Variants in XPNPEP3 observed in about 807,000 individuals in gnomAD.
XPNPEP3 encodes X-prolyl aminopeptidase 3.
In XPNPEP3, 41 loss-of-function variants were observed where a neutral mutation model predicts 60.0. That is an observed-to-expected ratio of 0.68 (90% confidence interval 0.53 to 0.89). The LOEUF (loss-of-function observed/expected upper bound fraction) is 0.89, where lower values mean the gene tolerates loss of function less well. Ranked by LOEUF, XPNPEP3 falls within the 40% of genes least tolerant of loss-of-function variation. The pLI is 0.00. For synonymous variants in XPNPEP3, 212 were observed against 223.2 expected, an observed-to-expected ratio of 0.95 and a Z score of 0.45; for missense variants, 598 against 638.9, an observed-to-expected ratio of 0.94 and a Z score of 0.69.
At chr22:40,911,556 T>C (rs1404815700) in intron 6 of XPNPEP3, among the ~76,000 whole-genome samples, 1 of 151,674 alleles carries the variant, frequency 6.6e-6, no homozygotes, top group Non-Finnish European at 1.5e-5. Context: ...TTTTTTTTTT[T>C]CAGATGGAGT....
At chr22:40,862,048 C>T in intron 1 of XPNPEP3, 1 of 1,534,214 alleles carries the variant, frequency 6.5e-7, no homozygotes, top group Non-Finnish European at 8.7e-7. Flanking sequence ...CCGTGGTTTC[C>T]TCAGCTCAGG....
Position 40,882,001 on chromosome 22 carries a change from G to A in XPNPEP3, c.413G>A (p.Ser138Asn). ...CCTGATAGCATTCTTGTCCTTCAGA[G>A]CCTCCCTGGCAAACAATTACCATCA... is the stretch of plus-strand genomic sequence containing the variant. ...QEPDSILVLQ[S>N]LPGKQLPSHK... Residue 138 changes from serine (S) to asparagine (N), a missense_variant, in exon 3 of 10, where the codon AGC (serine) becomes AAC (asparagine). Ser to Asn is a conservative substitution (Grantham distance 46). Coordinates refer to ENST00000357137, the MANE Select transcript of XPNPEP3 (RefSeq NM_022098.4). The A allele has an allele frequency of 1.2e-6, 2 of 1,614,040 alleles. No individual in the cohort carries two copies. Among genetic ancestry groups the A allele is most frequent in the Non-Finnish European group, 1.7e-6 (2 of 1,180,020 alleles).
chr22:40,875,633 G>A (rs1209117361), intron 2 of XPNPEP3, among the ~76,000 whole-genome samples: 5 of 151,920 alleles, frequency 3.3e-5, no homozygotes, highest in Admixed American at 2.0e-4. Context: ...CTGTTTGTTT[G>A]TTTGTTTGTT....
chr22:40,861,825 G>A, intron 1 of XPNPEP3: 1 of 1,611,798 alleles, frequency 6.2e-7, no homozygotes, highest in Non-Finnish European at 8.5e-7. Context: ...CTCATCATTT[G>A]ATAATACCTC....
At chr22:40,926,191 C>T in intron 9 of XPNPEP3, 78 bp from the exon 10 acceptor site, 1 of 1,503,592 alleles carries the variant, frequency 6.7e-7, no homozygotes. Flanking sequence ...GAATTTTAAC[C>T]CAGAGGTTAA....
Position 40,873,098 on chromosome 22 carries a change from CTTT to C in XPNPEP3, c.181+4006_181+4008del, listed in dbSNP as rs138353. Among the ~76,000 whole-genome samples, 17 of 88,498 alleles carry C rather than the reference CTTT, an allele frequency of 1.9e-4. 1 individual carries two copies. The highest frequency in any genetic ancestry group is 0.014 in the Middle Eastern group (1 of 74). 58.1% of individuals were successfully genotyped at this position (88,498 alleles called of 152,430 possible). ...TTGTTTTCTTTTTCTTTTTCTTTTT[CTTT>C]TTTTTTTTTTTTTTTTTTTTTTGAG... On this transcript the variant is annotated intron_variant, in intron 2 of 9. Transcript: ENST00000357137.
intron 1 of XPNPEP3, among the ~76,000 whole-genome samples, chr22:40,863,033 G>C (rs2057959818): frequency 6.6e-6 from 1 of 152,216 alleles, no homozygotes; most frequent in Non-Finnish European, 1.5e-5. Context: ...CTATATGACA[G>C]TCAGCCACAT....
chr22:40,859,830 T>C (rs1279674588), intron 1 of XPNPEP3: 1 of 152,368 alleles, frequency 6.6e-6, no homozygotes, highest in South Asian at 2.1e-4. Flanking sequence ...CTGATGTATT[T>C]GTAACCCATC....
intron 1 of XPNPEP3, among the ~76,000 whole-genome samples, chr22:40,857,903 G>A (rs567562292): frequency 2.0e-4 from 30 of 152,198 alleles, no homozygotes; most frequent in African/African-American, 7.0e-4. Context: ...CAGAACGTAT[G>A]GTATTTGACA....
Position 40,929,804 on chromosome 22 carries a change from A to G in XPNPEP3, c.*3369A>G, listed in dbSNP as rs1009478862. Reference sequence around the variant, plus strand: ...AGATAAGCTGTGTGTGATCTTACTCATTCTCAGCCATGCCGCAGACATACC... The same window carrying G: ...AGATAAGCTGTGTGTGATCTTACTCGTTCTCAGCCATGCCGCAGACATACC... On this transcript the variant is annotated 3_prime_UTR_variant, in exon 10 of 10. Coordinates refer to ENST00000357137, the MANE Select transcript of XPNPEP3 (RefSeq NM_022098.4). The G allele has an allele frequency of 6.6e-6, 1 of 152,210 alleles. No homozygotes were observed. Among genetic ancestry groups the G allele is most frequent in the African/African-American group, 2.4e-5 (1 of 41,450 alleles). The allele number at this position is 152,210 out of a possible 1,614,324, so 9.4% of individuals were successfully genotyped here. A position where few individuals can be genotyped will look rare whatever the true frequency, so the allele number is the denominator to read the frequency against.
chr22:40,870,292 TA>T (rs1433220115), intron 2 of XPNPEP3: 2 of 298,480 alleles, frequency 6.7e-6, no homozygotes, highest in African/African-American at 4.5e-5. Context: ...TTTTACATGG[TA>T]AGCTGCATTT....
chr22:40,901,989 T>G (rs1397317745), intron 4 of XPNPEP3, among the ~76,000 whole-genome samples: 1 of 152,138 alleles, frequency 6.6e-6, no homozygotes, highest in African/African-American at 2.4e-5. Context: ...ATTTTGTTGG[T>G]TAATTTATAT....
chr22:40,896,487 G>A (rs1042099496), intron 4 of XPNPEP3, among the ~76,000 whole-genome samples: 3 of 152,122 alleles, frequency 2.0e-5, no homozygotes, highest in African/African-American at 4.8e-5. Flanking sequence ...GCAACAAGGC[G>A]AAACCCCGTC....
rs779679285 is a variant in XPNPEP3, at chr22:40,909,150, C to T, written c.884C>T (p.Ala295Val). Residue 295 changes from alanine to valine, a missense_variant, in exon 6 of 10, where the codon GCA becomes GTA. Physicochemically the swap from Ala to Val is moderately conservative, Grantham distance 64. Coordinates refer to ENST00000357137, the MANE Select transcript of XPNPEP3 (RefSeq NM_022098.4). ...KFEFECRARG[A>V]DILAYPPVVA... The stretch of plus-strand genomic sequence containing the variant: ...GAATTTGAATGCCGGGCTCGTGGCG[C>T]AGACATTTTAGCCTATCCACCTGTG... The T allele has an allele frequency of 6.2e-7, 1 of 1,614,186 alleles. No homozygotes were observed. Among genetic ancestry groups the T allele is most frequent in the East Asian group, 2.2e-5 (1 of 44,882 alleles).
chr22:40,932,198 C>T lies in XPNPEP3; in HGVS notation c.*5763C>T, dbSNP rs1378232053. The T allele has an allele frequency of 1.3e-5, 2 of 152,114 alleles. No individual in the cohort carries two copies. The highest frequency in any genetic ancestry group is 2.9e-5 in the Non-Finnish European group (2 of 68,038). The allele number at this position is 152,114 out of a possible 1,614,324, so 9.4% of individuals were successfully genotyped here. A position where few individuals can be genotyped will look rare whatever the true frequency, so the allele number is the denominator to read the frequency against. On this transcript the variant is annotated 3_prime_UTR_variant, in exon 10 of 10. Transcript: ENST00000357137. ...CAATAAAACAGAATTTGAGTTAGAA[C>T]CTATCTGCTGTCCCTCAACTAGTGT... is the stretch of plus-strand genomic sequence containing the variant.
intron 2 of XPNPEP3, among the ~76,000 whole-genome samples, chr22:40,872,363 CTTTGA>C (rs1278805290): frequency 6.6e-6 from 1 of 151,952 alleles, no homozygotes; most frequent in Non-Finnish European, 1.5e-5. Context: ...TGGTCAGTCT[CTTTGA>C]TTACTACCTT....
chr22:40,862,678 TG>T, intron 1 of XPNPEP3: 1 of 985,436 alleles, frequency 1.0e-6, no homozygotes, highest in Non-Finnish European at 1.2e-6. Flanking sequence ...TGCATGCCAG[TG>T]GTAAGTCATT....
chr22:40,885,942 A>G (rs1434086328), intron 3 of XPNPEP3, among the ~76,000 whole-genome samples: 2 of 152,188 alleles, frequency 1.3e-5, no homozygotes, highest in Non-Finnish European at 2.9e-5. Context: ...AGATTGTGCC[A>G]CTGCACTCCA....
At chr22:40,887,072 G>T (rs907751902) in intron 4 of XPNPEP3, among the ~76,000 whole-genome samples, 1 of 152,092 alleles carries the variant, frequency 6.6e-6, no homozygotes, top group Non-Finnish European at 1.5e-5. Flanking sequence ...TAGAACGACA[G>T]AAATTAATAC....
Sources: gnomAD v4.1 joint callset for allele counts (sites outside exome capture counted in the v4.1 genomes callset) on GRCh38, gnomAD v4.1.1 for gene constraint, MANE v1.5 for transcripts, NCBI Gene and HGNC (gene_info 2026-07-23, HGNC 2026-07-21) for gene names.